The following CPO variants were observed in gnomAD, a reference collection of about 807,000 sequenced individuals.
The protein encoded by CPO is carboxypeptidase O.
A neutral mutation model predicts 41.2 loss-of-function variants in CPO; 43 were observed. The ratio of observed to expected loss-of-function variants is 1.04; its 90% CI spans 0.82 to 1.35. The LOEUF (loss-of-function observed/expected upper bound fraction) is 1.35. CPO is among the 40% of genes most tolerant of loss of function. The probability of loss-of-function intolerance (pLI) is 0.00; values close to 1 mark genes in which losing one functional copy is unlikely to be tolerated. For synonymous variants in CPO, 178 were observed against 162.7 expected, an observed-to-expected ratio of 1.09 and a Z score of -0.72; for missense variants, 408 against 451.7, an observed-to-expected ratio of 0.90 and a Z score of 0.88.
intron 4 of CPO, among the ~76,000 whole-genome samples, chr2:206,959,424 A>C (rs1693436858): frequency 6.6e-6 from 1 of 152,172 alleles, no homozygotes; most frequent in African/African-American, 2.4e-5. Flanking sequence ...GATGCCAGCA[A>C]TCTGTGTCTT....
intron 5 of CPO, among the ~76,000 whole-genome samples, 197 bp from the exon 6 acceptor site, chr2:206,960,655 C>T (rs1693461836): frequency 6.6e-6 from 1 of 152,204 alleles, no homozygotes; most frequent in Admixed American, 6.5e-5. Flanking sequence ...TTTGGTTGTA[C>T]AGATGTTCCT....
chr2:206,966,470 C>G (rs1305603018), intron 7 of CPO, among the ~76,000 whole-genome samples: 1 of 152,184 alleles, frequency 6.6e-6, no homozygotes, highest in African/African-American at 2.4e-5. Context: ...CAGGCCCCTT[C>G]TCTCAACTTC....
chr2:206,961,010 C>T (rs1693468866), intron 6 of CPO, 68 bp downstream of exon 6: 1 of 1,099,904 alleles, frequency 9.1e-7, no homozygotes, highest in Non-Finnish European at 1.4e-6. Flanking sequence ...AGGTGAATTA[C>T]TAAATGTATA....
intron 2 of CPO, among the ~76,000 whole-genome samples, chr2:206,953,493 A>T (rs1693303562): frequency 6.6e-6 from 1 of 152,254 alleles, no homozygotes; most frequent in Non-Finnish European, 1.5e-5. Context: ...GGTCATGCTG[A>T]TGCAAGAGGT....
In CPO at chr2:206,955,488, G is replaced by A. The variant is rs757034607; in HGVS notation, c.191G>A (p.Ser64Asn). 1 of 1,610,730 alleles carries A rather than the reference G, an allele frequency of 6.2e-7. No homozygotes were observed. The highest frequency in any genetic ancestry group is 8.5e-7 in the Non-Finnish European group (1 of 1,176,836). Reference protein sequence around the residue: ...GEIYEWMREISEKYKEVVTQH... With the variant: ...GEIYEWMREINEKYKEVVTQH... ...ATCTATGAGTGGATGAGAGAGATCA[G>A]TGAGAAGTACAAGGAAGTGGTGACA... is the stretch of plus-strand genomic sequence containing the variant. The change falls in exon 3 of 9, where the codon AGT becomes AAT. Residue 64 changes from serine (S) to asparagine (N), a missense_variant. Transcript: ENST00000272852.
At position 206,969,295 on chromosome 2, in the gene CPO, C is replaced by G. The variant is rs764815097; in HGVS notation, c.984C>G (p.Pro328=). The G allele has an allele frequency of 5.0e-6, 8 of 1,613,958 alleles. No individual in the cohort carries two copies. The highest frequency in any genetic ancestry group is 2.7e-5 in the African/African-American group (2 of 74,912). ...GFVLPEAQIQ[P]TCEETMEAVL... ...TTCTGCCAGAAGCTCAGATCCAGCC[C>G]ACCTGTGAGGAGACCATGGAGGCTG... Residue 328 remains proline, a synonymous_variant, in exon 9 of 9, where the codon CCC becomes CCG. Coordinates refer to ENST00000272852, the MANE Select transcript of CPO (RefSeq NM_173077.3).
rs779358212 is a variant in CPO at position 206,960,875 on chromosome 2, T to C, written c.507T>C (p.Arg169=). 9.9e-6 allele frequency: 16 copies of C among 1,613,706 alleles called. No individual in the cohort carries two copies. The highest frequency in any genetic ancestry group is 1.4e-5 in the Non-Finnish European group (16 of 1,179,586). The part of the protein sequence containing the change: ...WTTDRLWRKS[R]SPHNNGTCFG... The stretch of plus-strand genomic sequence containing the variant: ...AGGATCGTCTTTGGAGGAAATCCCG[T>C]TCACCCCATAATAATGGCACATGTT... The change falls in exon 6 of 9, where the codon CGT becomes CGC. Residue 169 remains arginine, a synonymous_variant. Transcript: ENST00000272852.
chr2:206,963,667 A>C (rs1299582184), intron 7 of CPO, among the ~76,000 whole-genome samples: 1 of 152,160 alleles, frequency 6.6e-6, no homozygotes, highest in Non-Finnish European at 1.5e-5. Context: ...GGTGTATCCA[A>C]ATTTTCTTCC....
intron 7 of CPO, among the ~76,000 whole-genome samples, chr2:206,964,127 C>A (rs945817625): frequency 6.6e-6 from 1 of 152,128 alleles, no homozygotes; most frequent in South Asian, 2.1e-4. Context: ...TTAGGTTATA[C>A]CTTTTGCACA....
rs554381601 is a variant in CPO at position 206,946,659 on chromosome 2, G to T, written c.69-2958G>T. Among the ~76,000 whole-genome samples the T allele has an allele frequency of 5.9e-5, 9 of 152,196 alleles. No homozygotes were observed. The South Asian group carries it at 1.2e-3, about 21-fold the overall frequency. ...AAAAAGTATACAGATTGGGAAGAAA[G>T]AAATAATACTGTATTTGTTTGAAGA... On this transcript the variant is annotated intron_variant, in intron 1 of 8. Coordinates refer to ENST00000272852, the MANE Select transcript of CPO (RefSeq NM_173077.3).
chr2:206,957,341 A>C (rs1693387271), intron 3 of CPO, among the ~76,000 whole-genome samples: 1 of 151,164 alleles, frequency 6.6e-6, no homozygotes, highest in African/African-American at 2.4e-5. Context: ...ATGCCACAGC[A>C]CTCCAGCCTG....
At chr2:206,963,326 ATTTTT>A (rs1163690920) in intron 7 of CPO, among the ~76,000 whole-genome samples, 3 of 152,274 alleles carry the variant, frequency 2.0e-5, no homozygotes, top group Admixed American at 6.5e-5. Flanking sequence ...TTTTCCTTTT[ATTTTT>A]ATTTTTTTTC....
chr2:206,967,340 T>G (rs62196054), intron 7 of CPO, among the ~76,000 whole-genome samples: 56 of 80,824 alleles, frequency 6.9e-4, no homozygotes, highest in Middle Eastern at 9.4e-3. Context: ...GCTATATATA[T>G]ATATATATAT....
In CPO at chr2:206,969,199, T is replaced by G. The variant is rs747856779; in HGVS notation, c.888T>G (p.Asp296Glu). The change falls in exon 9 of 9, where the codon GAT (aspartate) becomes GAG (glutamate). Residue 296 changes from aspartate (D) to glutamate (E), a missense_variant. Coordinates refer to ENST00000272852, the MANE Select transcript of CPO (RefSeq NM_173077.3). ...ATGCCTCATCAGGGTCTTCAAGAGA[T>G]TGGGCCCGAGACATTGGGATTCCCT... Reference protein sequence around the residue: ...ILYASSGSSRDWARDIGIPFS... With the variant: ...ILYASSGSSREWARDIGIPFS... 1 of 1,614,036 alleles carries G rather than the reference T, an allele frequency of 6.2e-7. No individual in the cohort carries two copies. Among genetic ancestry groups the G allele is most frequent in the African/African-American group, 1.3e-5 (1 of 74,924 alleles).
chr2:206,956,817 A>G (rs1693375458), intron 3 of CPO, among the ~76,000 whole-genome samples: 1 of 152,190 alleles, frequency 6.6e-6, no homozygotes, highest in Non-Finnish European at 1.5e-5. Flanking sequence ...AGAGTTAACT[A>G]CAACTCTTAA....
At chr2:206,946,574 A>G (rs1032645578) in intron 1 of CPO, among the ~76,000 whole-genome samples, 1 of 152,160 alleles carries the variant, frequency 6.6e-6, no homozygotes, top group African/African-American at 2.4e-5. Context: ...CCCTCTCAGC[A>G]CTCTTTTTCA....
In CPO at chr2:206,962,307, C is replaced by T. The variant is rs73983121; in HGVS notation, c.575-105C>T. 3.5e-4 allele frequency: 334 copies of T among 965,116 alleles called. 1 individual carries two copies. In the African/African-American group the frequency reaches 4.9e-3, roughly 14 times the overall value. 59.8% of individuals were successfully genotyped at this position (965,116 alleles called of 1,614,324 possible). On this transcript the variant is annotated intron_variant, in intron 6 of 8. Coordinates refer to ENST00000272852, the MANE Select transcript of CPO (RefSeq NM_173077.3). ...ACTAACTCAGACAACCAAGGGCAAGCGCTGATTCTACTCACAGAGGCCCTG... is the reference window on the plus strand; with the variant it reads ...ACTAACTCAGACAACCAAGGGCAAGTGCTGATTCTACTCACAGAGGCCCTG...
chr2:206,956,768 T>A (rs776881838), intron 3 of CPO, among the ~76,000 whole-genome samples: 1 of 152,150 alleles, frequency 6.6e-6, no homozygotes, highest in Non-Finnish European at 1.5e-5. Context: ...TACTACTTAG[T>A]GTAGGTGTGT....
At position 206,966,005 on chromosome 2, in the gene CPO, A is replaced by G. The variant is rs542524105; in HGVS notation, c.778-2258A>G. Among the ~76,000 whole-genome samples, 58 of 152,228 alleles carry G rather than the reference A, an allele frequency of 3.8e-4. 1 individual carries two copies. The highest frequency in any genetic ancestry group is 1.3e-3 in the African/African-American group (55 of 41,538). On this transcript the variant is annotated intron_variant, in intron 7 of 8. Coordinates refer to ENST00000272852, the MANE Select transcript of CPO (RefSeq NM_173077.3). Reference sequence around the variant, plus strand: ...CCAAATTGCTAAGCTGAGGATCACAACTGAATGCTTCTCATGTCTATCTCT... The same window carrying G: ...CCAAATTGCTAAGCTGAGGATCACAGCTGAATGCTTCTCATGTCTATCTCT...
Sources: gnomAD v4.1 joint callset for allele counts (sites outside exome capture counted in the v4.1 genomes callset) on GRCh38, gnomAD v4.1.1 for gene constraint, MANE v1.5 for transcripts, NCBI Gene and HGNC (gene_info 2026-07-23, HGNC 2026-07-21) for gene names.